Variants in SCML4 observed in about 807,000 individuals in gnomAD.
SCML4 encodes Scm polycomb group protein like 4.
Under a neutral mutation model 41.1 loss-of-function variants are expected in SCML4, and 34 were observed. That is an observed-to-expected ratio of 0.83 (90% CI 0.63 to 1.10). SCML4 has a LOEUF of 1.10. Ranked by LOEUF, SCML4 falls within the 50% of genes least tolerant of loss-of-function variation. The pLI, the probability that SCML4 is intolerant of heterozygous loss-of-function variation, is 0.00. For synonymous variants in SCML4, 214 were observed against 220.9 expected (o/e 0.97, Z 0.28); for missense variants, 522 against 534.1 (o/e 0.98, Z 0.22).
intron 1 of SCML4, among the ~76,000 whole-genome samples, chr6:107,813,783 A>G (rs1005361027): frequency 2.6e-5 from 4 of 152,166 alleles, no homozygotes; most frequent in Non-Finnish European, 5.9e-5. Flanking sequence ...GAATTCAGAG[A>G]GGCTTGCCTG....
chr6:107,746,589 C>G, intron 4 of SCML4, 100 bp downstream of exon 4: 1 of 1,053,486 alleles, frequency 9.5e-7, no homozygotes, highest in Non-Finnish European at 1.4e-6. Flanking sequence ...AGATGAAGGA[C>G]AGACCCTGGC....
the SCML4 span, among the ~76,000 whole-genome samples, chr6:107,841,909 T>C: frequency 7.2e-5 from 11 of 152,168 alleles, no homozygotes; most frequent in African/African-American, 2.2e-4. Context: ...GGAAGGTTTT[T>C]CTTGTTTTAA....
chr6:107,778,966 G>A (rs995022581), intron 1 of SCML4, among the ~76,000 whole-genome samples: 22 of 152,194 alleles, frequency 1.4e-4, no homozygotes, highest in Admixed American at 6.5e-4. Flanking sequence ...GGATCACGAG[G>A]TCAGGAGATC....
chr6:107,762,876 CTTTTTTTTTTTTTTTT>C (rs57370632), intron 2 of SCML4, among the ~76,000 whole-genome samples: 2 of 89,656 alleles, frequency 2.2e-5, no homozygotes, highest in Non-Finnish European at 3.9e-5. Flanking sequence ...TAAATGCACT[CTTTTTTTTTTTTTTTT>C]TTTTTTTTTG....
chr6:107,802,667 CT>C (rs1229885303), intron 1 of SCML4, among the ~76,000 whole-genome samples: 12 of 21,420 alleles, frequency 5.6e-4, no homozygotes, highest in Non-Finnish European at 1.4e-3. Flanking sequence ...TCCTCTCCCT[CT>C]CCCTCCTCTC....
chr6:107,739,924 A>C (rs1777431521), intron 5 of SCML4: 1 of 359,196 alleles, frequency 2.8e-6, no homozygotes. Context: ...TGCTTCCTCC[A>C]CTTTCCCCAA....
the SCML4 span, among the ~76,000 whole-genome samples, chr6:107,839,368 G>GAAGGAAAGAAA: frequency 1.9e-5 from 1 of 52,468 alleles, no homozygotes; most frequent in African/African-American, 6.9e-5. Flanking sequence ...AAAGAAAGAA[G>GAAGGAAAGAAA]GAAAGAAAGA....
At chr6:107,780,431 AGTGTGGTG>A (rs1409635306) in intron 1 of SCML4, among the ~76,000 whole-genome samples, 1 of 152,164 alleles carries the variant, frequency 6.6e-6, no homozygotes. Context: ...CAGGAGGCTG[AGTGTGGTG>A]ACTCATGCCT....
In SCML4 at chr6:107,753,828, A is replaced by G. The variant is rs186405817; in HGVS notation, c.157-4015T>C. Among the ~76,000 whole-genome samples, 245 of 152,338 alleles carry G rather than the reference A, an allele frequency of 1.6e-3. 1 individual carries two copies. Among genetic ancestry groups the G allele is most frequent in the Middle Eastern group, 3.4e-3 (1 of 294 alleles). ...GGTGAGAGGGTAGGAGATTTAGTGC[A>G]TGAGGGAGGCCGTGGCCTAAGAGGA... On this transcript the variant is annotated intron_variant, in intron 2 of 7. Coordinates refer to ENST00000369020, the MANE Select transcript of SCML4 (RefSeq NM_198081.5).
chr6:107,803,026 G>A (rs1783344311), intron 1 of SCML4, among the ~76,000 whole-genome samples: 3 of 151,794 alleles, frequency 2.0e-5, no homozygotes, highest in African/African-American at 4.8e-5. Flanking sequence ...GATGGCAGAC[G>A]GAGTCGCGTT....
At chr6:107,778,373 T>G (rs903211096) in intron 1 of SCML4, among the ~76,000 whole-genome samples, 2 of 150,876 alleles carry the variant, frequency 1.3e-5, no homozygotes, top group Admixed American at 6.6e-5. Flanking sequence ...AGGTCAGATT[T>G]GAAAGCCATC....
intron 6 of SCML4, among the ~76,000 whole-genome samples, chr6:107,713,452 C>T (rs1774425866): frequency 6.6e-6 from 1 of 152,228 alleles, no homozygotes; most frequent in Admixed American, 6.5e-5. Flanking sequence ...CTTCCTCCCA[C>T]AGCTGAAGGC....
chr6:107,775,035 A>G (rs7758747), intron 1 of SCML4, among the ~76,000 whole-genome samples: 85,718 of 151,766 alleles, frequency 0.56, 24,942 homozygotes, highest in East Asian at 0.86. Context: ...AGAACAACAA[A>G]TCAGCACTCA....
Position 107,704,981 on chromosome 6 carries a change from AT to A in SCML4, c.*218del. 1.7e-6 allele frequency: 1 copy of A among 602,584 alleles called. No homozygotes were observed. Among genetic ancestry groups the A allele is most frequent in the Non-Finnish European group, 2.9e-6 (1 of 341,906 alleles). 37.3% of individuals were successfully genotyped at this position (602,584 alleles called of 1,614,324 possible). ...ATGTTAAAAATCACAGGCTTTTGTA[AT>A]TTTTTGGCAAATTATGAACACAGAG... is the stretch of plus-strand genomic sequence containing the variant. On this transcript the variant is annotated 3_prime_UTR_variant, in exon 8 of 8. Coordinates refer to ENST00000369020, the MANE Select transcript of SCML4 (RefSeq NM_198081.5).
intron 6 of SCML4, among the ~76,000 whole-genome samples, chr6:107,712,361 A>C (rs183463757): frequency 1.3e-5 from 2 of 152,336 alleles, no homozygotes; most frequent in East Asian, 3.9e-4. Flanking sequence ...ACAGGAACCT[A>C]GAGTCCTTTG....
chr6:107,835,240 A>AT, the SCML4 span, among the ~76,000 whole-genome samples: 1 of 152,094 alleles, frequency 6.6e-6, no homozygotes, highest in South Asian at 2.1e-4. Flanking sequence ...ATGTGCCTGT[A>AT]GTCCCAGCTA....
intron 1 of SCML4, among the ~76,000 whole-genome samples, chr6:107,793,260 C>T (rs775860304): frequency 1.8e-4 from 27 of 152,154 alleles, no homozygotes; most frequent in Non-Finnish European, 2.5e-4. Context: ...TGCTAAGACC[C>T]GGTCTAACTT....
chr6:107,826,276 GAAGAA>G (rs543150008), upstream of SCML4, among the ~76,000 whole-genome samples: 324 of 138,902 alleles, frequency 2.3e-3, 2 homozygotes, highest in South Asian at 0.018. Context: ...AAAAAGAAAA[GAAGAA>G]AAGAAAAGAA....
chr6:107,756,651 G>A (rs1388750030), intron 2 of SCML4, among the ~76,000 whole-genome samples: 2 of 152,102 alleles, frequency 1.3e-5, no homozygotes, highest in Non-Finnish European at 2.9e-5. Context: ...CACTAGTTGA[G>A]ACAAACATAC....
Sources: gnomAD v4.1 joint callset for allele counts (sites outside exome capture counted in the v4.1 genomes callset) on GRCh38, gnomAD v4.1.1 for gene constraint, MANE v1.5 for transcripts, NCBI Gene and HGNC (gene_info 2026-07-23, HGNC 2026-07-21) for gene names.